The following TENM4 variants were observed in gnomAD, a reference collection of about 807,000 sequenced individuals.
The protein encoded by TENM4 is teneurin transmembrane protein 4, also known as teneurin-4.
A neutral mutation model predicts 243.3 loss-of-function variants in TENM4; 82 were observed. That is an observed-to-expected ratio of 0.34 (90% CI 0.28 to 0.40). The LOEUF is 0.40. Among genes scored for constraint, TENM4 ranks in the 10% least tolerant of loss-of-function variants. The pLI is 1.00. For missense variants in TENM4, 3,138 were observed against 3,673.3 expected (o/e 0.85, Z 3.77); for synonymous variants, 1,412 against 1,456.3 (o/e 0.97, Z 0.69).
At chr11:79,245,656 T>C (rs1011122083) in intron 2 of TENM4, among the ~76,000 whole-genome samples, 1 of 152,030 alleles carries the variant, frequency 6.6e-6, no homozygotes, top group East Asian at 1.9e-4. Context: ...AAGAAAACAA[T>C]TGGCCGGGTG....
chr11:78,877,293 T>C (rs953871224), intron 9 of TENM4, among the ~76,000 whole-genome samples: 1 of 152,120 alleles, frequency 6.6e-6, no homozygotes, highest in Non-Finnish European at 1.5e-5. Context: ...CTCCCTGCCA[T>C]GAAAAGAGGC....
chr11:79,335,712 C>G (rs1027971533), intron 1 of TENM4, among the ~76,000 whole-genome samples: 3 of 152,258 alleles, frequency 2.0e-5, no homozygotes, highest in Non-Finnish European at 4.4e-5. Context: ...TGCATCTTGG[C>G]TCAGGAGAAG....
At chr11:79,323,620 T>A (rs1368532935) in intron 1 of TENM4, among the ~76,000 whole-genome samples, 2 of 152,246 alleles carry the variant, frequency 1.3e-5, no homozygotes, top group African/African-American at 2.4e-5. Context: ...TGAAGGTATT[T>A]GTGGATGTGA....
chr11:78,668,922 A>T lies in TENM4; in HGVS notation c.7408+15T>A, dbSNP rs1321777942. The stretch of plus-strand genomic sequence containing the variant: ...CTTTATGGGGTCCTGCCCCTGAGTG[A>T]GCCGTGGTCCTTACCTGTCATGAAG... On this transcript the variant is annotated intron_variant, in intron 32 of 33. Transcript: ENST00000278550. The T allele has an allele frequency of 1.9e-6, 3 of 1,602,292 alleles. No individual in the cohort carries two copies. In the South Asian group the frequency reaches 3.3e-5, roughly 18 times the overall value.
At chr11:78,855,882 C>G in intron 11 of TENM4, 82 bp downstream of exon 11, 2 of 1,351,164 alleles carry the variant, frequency 1.5e-6, no homozygotes. Context: ...GCTTAAGGCT[C>G]TGGATTGGGC....
At chr11:78,840,928 A>T (rs1383274572) in intron 12 of TENM4, among the ~76,000 whole-genome samples, 1 of 152,178 alleles carries the variant, frequency 6.6e-6, no homozygotes, top group Non-Finnish European at 1.5e-5. Flanking sequence ...CATCATCTCT[A>T]TAAAGAAAAT....
At chr11:79,102,691 C>A (rs961662339) in intron 4 of TENM4, among the ~76,000 whole-genome samples, 1 of 152,218 alleles carries the variant, frequency 6.6e-6, no homozygotes, top group African/African-American at 2.4e-5. Flanking sequence ...CTCAAGTGAT[C>A]TTTCCAAAGC....
intron 6 of TENM4, among the ~76,000 whole-genome samples, chr11:78,997,744 G>C (rs4945317): frequency 6.6e-6 from 1 of 152,140 alleles, no homozygotes; most frequent in Non-Finnish European, 1.5e-5. Flanking sequence ...CTGGACTGGC[G>C]TCTATTATGG....
chr11:78,942,577 C>T (rs1422517530), intron 6 of TENM4, among the ~76,000 whole-genome samples: 1 of 152,116 alleles, frequency 6.6e-6, no homozygotes, highest in Non-Finnish European at 1.5e-5. Context: ...CAAGTTTGCT[C>T]TAGGGCAAAG....
intron 6 of TENM4, among the ~76,000 whole-genome samples, chr11:78,908,874 G>T (rs988438401): frequency 3.9e-5 from 6 of 152,202 alleles, no homozygotes; most frequent in Non-Finnish European, 8.8e-5. Context: ...ACAGCCCCTT[G>T]TTGTATGCAG....
intron 4 of TENM4, among the ~76,000 whole-genome samples, chr11:79,109,142 A>T (rs1265089747): frequency 6.6e-6 from 1 of 152,192 alleles, no homozygotes; most frequent in Non-Finnish European, 1.5e-5. Flanking sequence ...GACATGCGAC[A>T]CTTCAAGGAA....
intron 2 of TENM4, among the ~76,000 whole-genome samples, chr11:79,234,279 A>T (rs1417061236): frequency 6.6e-6 from 1 of 152,222 alleles, no homozygotes. Context: ...CCTGTCAAGT[A>T]CTTATTGGGT....
intron 10 of TENM4, among the ~76,000 whole-genome samples, chr11:78,857,079 GA>G (rs5792823): frequency 0.24 from 36,909 of 152,024 alleles, 4,910 homozygotes; most frequent in Middle Eastern, 0.35. Flanking sequence ...ACTCATATGT[GA>G]AAAATACAAA....
chr11:78,989,206 GT>G (rs1376711989), intron 6 of TENM4, among the ~76,000 whole-genome samples: 1 of 152,156 alleles, frequency 6.6e-6, no homozygotes, highest in Non-Finnish European at 1.5e-5. Context: ...CTCCTTACAC[GT>G]TATTATTATT....
intron 1 of TENM4, among the ~76,000 whole-genome samples, chr11:79,380,566 A>G (rs182446963): frequency 2.9e-4 from 44 of 152,348 alleles, no homozygotes; most frequent in African/African-American, 9.9e-4. Context: ...CTTGTCGCAT[A>G]AGCTTGGGAA....
intron 28 of TENM4, among the ~76,000 whole-genome samples, chr11:78,697,512 A>C (rs1029536806): frequency 6.6e-6 from 1 of 152,218 alleles, no homozygotes; most frequent in Non-Finnish European, 1.5e-5. Flanking sequence ...GTTGAGTTCT[A>C]TGTCCCGTTG....
chr11:78,825,801 T>TAGCC (rs1373261305), intron 12 of TENM4, among the ~76,000 whole-genome samples: 1 of 152,218 alleles, frequency 6.6e-6, no homozygotes, highest in Non-Finnish European at 1.5e-5. Context: ...AGTGACCGGC[T>TAGCC]GATCATAATG....
rs894570093 is a variant in TENM4 at position 78,654,808 on chromosome 11, G to A, written c.*3250C>T. On this transcript the variant is annotated 3_prime_UTR_variant, in exon 34 of 34. Transcript: ENST00000278550. ...CCAGCAATGTCTGTTTGGGGTGTGG[G>A]GGGGTGGGATAAAAAGGAAATCTCA... 6.6e-6 allele frequency: 1 copy of A among 152,142 alleles called. No homozygotes were observed. The allele number at this position is 152,142 out of a possible 1,614,324, so 9.4% of individuals were successfully genotyped here. A position where few individuals can be genotyped will look rare whatever the true frequency, so the allele number is the denominator to read the frequency against.
intron 3 of TENM4, among the ~76,000 whole-genome samples, chr11:79,149,523 T>G (rs1224335906): frequency 6.7e-6 from 1 of 148,476 alleles, no homozygotes; most frequent in Non-Finnish European, 1.5e-5. Context: ...TTGGAAGTAT[T>G]TTTATAAATA....
Sources: allele counts gnomAD v4.1 joint callset (sites outside exome capture counted in the v4.1 genomes callset), GRCh38; gene constraint gnomAD v4.1.1; transcripts MANE v1.5; gene names NCBI Gene and HGNC (gene_info 2026-07-23, HGNC 2026-07-21).